The following MTAP variants were observed in gnomAD, a reference collection of about 807,000 sequenced individuals.
MTAP encodes the protein S-methyl-5'-thioadenosine phosphorylase.
In MTAP, 33 loss-of-function variants were observed where a neutral mutation model predicts 33.6. The ratio of observed to expected loss-of-function variants is 0.98; its 90% CI spans 0.74 to 1.31. The LOEUF (loss-of-function observed/expected upper bound fraction) is 1.31. MTAP is among the 40% of genes most tolerant of loss of function. The probability of loss-of-function intolerance (pLI) is 0.00; values close to 1 mark genes in which losing one functional copy is unlikely to be tolerated. For missense variants in MTAP, 367 were observed against 360.0 expected (o/e 1.02, Z -0.16); for synonymous variants, 148 against 125.7 (o/e 1.18, Z -1.19).
downstream of MTAP, among the ~76,000 whole-genome samples, chr9:21,869,495 C>T (rs1825903966): frequency 6.6e-6 from 1 of 152,084 alleles, no homozygotes; most frequent in Non-Finnish European, 1.5e-5. Context: ...TTGCCTTCTC[C>T]CTGATCTTTT....
chr9:21,905,729 G>C (rs550792856), intron 1 of MTAP, among the ~76,000 whole-genome samples: 1 of 152,256 alleles, frequency 6.6e-6, no homozygotes, highest in Admixed American at 6.5e-5. Context: ...CAAGATTTGG[G>C]TTATACCTGC....
chr9:21,877,498 C>T (rs1826030007), intron 1 of MTAP, among the ~76,000 whole-genome samples: 1 of 152,110 alleles, frequency 6.6e-6, no homozygotes, highest in Non-Finnish European at 1.5e-5. Context: ...TTGGATTTGT[C>T]ATAGACGGCT....
intron 7 of MTAP, chr9:21,860,179 G>A (rs1180060881): frequency 1.3e-5 from 2 of 152,206 alleles, no homozygotes; most frequent in Non-Finnish European, 2.9e-5. Context: ...GCTCTGTAAT[G>A]AGAGAGCCAC....
chr9:21,912,336 G>A (rs1018723110), intron 1 of MTAP, among the ~76,000 whole-genome samples: 1 of 152,058 alleles, frequency 6.6e-6, no homozygotes, highest in African/African-American at 2.4e-5. Context: ...CAAAAAAAGA[G>A]AATTTTAGAC....
intron 7 of MTAP, chr9:21,861,229 G>T (rs1409825066): frequency 6.6e-6 from 1 of 152,148 alleles, no homozygotes; most frequent in African/African-American, 2.4e-5. Context: ...TTCTGAAATT[G>T]TAAAATTGTG....
chr9:21,882,419 C>T (rs1174928099), intron 1 of MTAP, among the ~76,000 whole-genome samples: 1 of 151,852 alleles, frequency 6.6e-6, no homozygotes, highest in African/African-American at 2.4e-5. Context: ...AATAGAAAAA[C>T]ATCCTGTGTT....
At chr9:21,874,872 A>G (rs193201783) in intron 1 of MTAP, among the ~76,000 whole-genome samples, 109 of 151,966 alleles carry the variant, frequency 7.2e-4, no homozygotes, top group African/African-American at 2.5e-3. Flanking sequence ...AGGCCCCGGT[A>G]TGTGATGTTC....
chr9:21,804,992 G>C (rs1295935181), intron 1 of MTAP, among the ~76,000 whole-genome samples: 3 of 152,226 alleles, frequency 2.0e-5, no homozygotes, highest in Non-Finnish European at 4.4e-5. Context: ...GGGAGGCAGA[G>C]GGTATGCAGA....
rs112032599 is a variant in MTAP, at chr9:21,821,937, C to T, written c.347+3735C>T. 4.1e-3 allele frequency among the ~76,000 whole-genome samples: 621 copies of T among 152,298 alleles called. 3 individuals carry two copies. Among genetic ancestry groups the T allele is most frequent in the Middle Eastern group, 0.02 (6 of 294 alleles). On this transcript the variant is annotated intron_variant, in intron 4 of 7. Coordinates refer to ENST00000644715, the MANE Select transcript of MTAP (RefSeq NM_002451.4). ...TGCATAGAAGTGTTTATAGTATGCT[C>T]TGATGGTAGTTTGTATTTCTGTGGG... is the stretch of plus-strand genomic sequence containing the variant.
intron 4 of MTAP, among the ~76,000 whole-genome samples, chr9:21,829,865 T>C (rs1333698655): frequency 6.6e-6 from 1 of 152,244 alleles, no homozygotes; most frequent in Non-Finnish European, 1.5e-5. Context: ...AATATACTTT[T>C]GAAGGACTCT....
At chr9:21,859,215 T>C (rs201324174) in intron 6 of MTAP, 88 bp from the exon 7 acceptor site, 65 of 1,514,858 alleles carry the variant, frequency 4.3e-5, no homozygotes, top group Non-Finnish European at 5.6e-5. Context: ...ACATTTAGGC[T>C]GTAGCAAGGC....
intron 1 of MTAP, among the ~76,000 whole-genome samples, chr9:21,880,998 A>G (rs73440436): frequency 0.029 from 4,448 of 152,106 alleles, 177 homozygotes; most frequent in African/African-American, 0.08. Context: ...ACAATGCCTG[A>G]TTTCAAAATA....
intron 1 of MTAP, among the ~76,000 whole-genome samples, chr9:21,882,733 C>A (rs1818034644): frequency 6.6e-6 from 1 of 151,872 alleles, no homozygotes; most frequent in South Asian, 2.1e-4. Context: ...TGTTTTAGAA[C>A]AAATTGTCTC....
chr9:21,831,970 A>G (rs1824978628), intron 4 of MTAP, among the ~76,000 whole-genome samples: 2 of 152,202 alleles, frequency 1.3e-5, no homozygotes, highest in Non-Finnish European at 2.9e-5. Context: ...CTCAGCTTAG[A>G]AGTGAGGACA....
At chr9:21,913,678 G>C (rs184968245) in intron 1 of MTAP, among the ~76,000 whole-genome samples, 1 of 152,308 alleles carries the variant, frequency 6.6e-6, no homozygotes, top group East Asian at 1.9e-4. Flanking sequence ...AGAAACCCTA[G>C]ATGAAAACCT....
chr9:21,883,921 T>C (rs1245978145), intron 1 of MTAP, among the ~76,000 whole-genome samples: 2 of 152,008 alleles, frequency 1.3e-5, no homozygotes, highest in South Asian at 2.1e-4. Flanking sequence ...GGGGCTGTTG[T>C]GAAGGTCATG....
At chr9:21,885,665 A>G (rs534371184) in intron 1 of MTAP, among the ~76,000 whole-genome samples, 25 of 152,112 alleles carry the variant, frequency 1.6e-4, no homozygotes, top group Non-Finnish European at 2.5e-4. Flanking sequence ...AGAGCATATG[A>G]TGTTTGGTTT....
intron 5 of MTAP, among the ~76,000 whole-genome samples, chr9:21,839,274 C>G (rs1229724561): frequency 1.3e-5 from 2 of 151,248 alleles, no homozygotes; most frequent in Non-Finnish European, 2.9e-5. Context: ...TGCTGCTAGT[C>G]TTCCTCTGAA....
At position 21,844,444 on chromosome 9, in the gene MTAP, C is replaced by T. The variant is rs1433162631; in HGVS notation, c.450+6434C>T. Among the ~76,000 whole-genome samples, 3 of 152,104 alleles carry T rather than the reference C, an allele frequency of 2.0e-5. No homozygotes were observed. In the East Asian group the frequency reaches 5.8e-4, roughly 29 times the overall value. ...ATAATAAAAAAAGACAACTACAGAC[C>T]AATATCCCTGATGTACGTAGATGCA... On this transcript the variant is annotated intron_variant, in intron 5 of 7. Transcript: ENST00000644715.
Sources: allele counts gnomAD v4.1 joint callset (sites outside exome capture counted in the v4.1 genomes callset), GRCh38; gene constraint gnomAD v4.1.1; transcripts MANE v1.5; gene names NCBI Gene and HGNC (gene_info 2026-07-23, HGNC 2026-07-21).